ANKS1A: variants seen among roughly 807,000 people sequenced by gnomAD.
ANKS1A encodes ankyrin repeat and sterile alpha motif domain containing 1A, also known as ankyrin repeat and SAM domain-containing protein 1A.
A neutral mutation model predicts 120.3 loss-of-function variants in ANKS1A; 55 were observed. That is an observed-to-expected ratio of 0.46 (90% CI 0.37 to 0.57). The LOEUF (loss-of-function observed/expected upper bound fraction) is 0.57, where lower values mean the gene tolerates loss of function less well. Ranked by LOEUF, ANKS1A falls within the 20% of genes least tolerant of loss-of-function variation. ANKS1A has a pLI of 0.00. For synonymous variants in ANKS1A, 590 were observed against 604.7 expected, an observed-to-expected ratio of 0.98 and a Z score of 0.36; for missense variants, 1,123 against 1,480.3, an observed-to-expected ratio of 0.76 and a Z score of 3.96.
intron 10 of ANKS1A, among the ~76,000 whole-genome samples, chr6:34,999,888 GAGAA>G (rs1290675263): frequency 2.0e-5 from 3 of 151,976 alleles, no homozygotes; most frequent in Non-Finnish European, 2.9e-5. Context: ...GTCAAGAAAA[GAGAA>G]AGAGAGACAG....
intron 11 of ANKS1A, among the ~76,000 whole-genome samples, chr6:35,024,265 C>A (rs1027289695): frequency 1.3e-5 from 2 of 152,170 alleles, no homozygotes; most frequent in African/African-American, 4.8e-5. Context: ...CAATTAACAT[C>A]TGAGATAAAT....
At chr6:34,891,056 G>A (rs1766797303) in intron 1 of ANKS1A, among the ~76,000 whole-genome samples, 1 of 152,198 alleles carries the variant, frequency 6.6e-6, no homozygotes, top group Middle Eastern at 3.2e-3. Flanking sequence ...GGTATTACTC[G>A]CTGTAATTGC....
At chr6:35,046,130 A>C (rs1775709529) in intron 11 of ANKS1A, among the ~76,000 whole-genome samples, 1 of 152,166 alleles carries the variant, frequency 6.6e-6, no homozygotes, top group South Asian at 2.1e-4. Flanking sequence ...GTAGGGATCC[A>C]TTTCTTTTGA....
intron 20 of ANKS1A, among the ~76,000 whole-genome samples, 159 bp downstream of exon 20, chr6:35,083,662 C>G (rs940755006): frequency 6.6e-6 from 1 of 152,162 alleles, no homozygotes; most frequent in East Asian, 1.9e-4. Flanking sequence ...AGAGGCGTGT[C>G]TCTCATCTGC....
rs1370418650 is a variant in ANKS1A at position 34,961,334 on chromosome 6, G to T, written c.198-5905G>T. On this transcript the variant is annotated intron_variant, in intron 1 of 23. Transcript: ENST00000360359. Reference sequence around the variant, plus strand: ...TGGAGGGGGATGTTACTACCATCCTGTCTGAAGCTGAAATACCAAACAAGG... The same window carrying T: ...TGGAGGGGGATGTTACTACCATCCTTTCTGAAGCTGAAATACCAAACAAGG... 2.6e-5 allele frequency among the ~76,000 whole-genome samples: 4 copies of T among 152,154 alleles called. No homozygotes were observed. In the South Asian group the frequency reaches 8.3e-4, roughly 32 times the overall value.
chr6:35,023,729 A>T, intron 11 of ANKS1A: 1 of 348,216 alleles, frequency 2.9e-6, no homozygotes, highest in South Asian at 2.7e-5. Context: ...TTGGAGACAA[A>T]TTTCTTCTCC....
chr6:34,953,865 G>C (rs917134008), intron 1 of ANKS1A, among the ~76,000 whole-genome samples: 3 of 152,098 alleles, frequency 2.0e-5, no homozygotes, highest in Non-Finnish European at 2.9e-5. Flanking sequence ...CTTAGAATCA[G>C]AATTGTGGAC....
intron 13 of ANKS1A, among the ~76,000 whole-genome samples, chr6:35,065,546 T>A (rs916996760): frequency 2.0e-5 from 3 of 152,156 alleles, no homozygotes; most frequent in African/African-American, 7.2e-5. Flanking sequence ...CTCAGTACGG[T>A]AATGTGCCCA....
At chr6:34,971,350 C>T (rs1771174816) in intron 3 of ANKS1A, among the ~76,000 whole-genome samples, 1 of 152,188 alleles carries the variant, frequency 6.6e-6, no homozygotes, top group Non-Finnish European at 1.5e-5. Flanking sequence ...CTGTTCTTTA[C>T]ATTTATATCT....
chr6:34,931,896 G>A (rs1016469209), intron 1 of ANKS1A, among the ~76,000 whole-genome samples: 2 of 152,194 alleles, frequency 1.3e-5, no homozygotes, highest in Non-Finnish European at 2.9e-5. Flanking sequence ...ATTAATAAAC[G>A]TGTGATTATT....
rs545917936 is a variant in ANKS1A at position 34,921,492 on chromosome 6, C to T, written c.197+31893C>T. The stretch of plus-strand genomic sequence containing the variant: ...TTCCAGCCTTTTTATAACATCGCTA[C>T]ATTTTAATTTTTTATTTGCATATTT... On this transcript the variant is annotated intron_variant, in intron 1 of 23. Coordinates refer to ENST00000360359, the MANE Select transcript of ANKS1A (RefSeq NM_015245.3). 9.8e-5 allele frequency among the ~76,000 whole-genome samples: 15 copies of T among 152,290 alleles called. No homozygotes were observed. In the South Asian group the frequency reaches 2.9e-3, roughly 29 times the overall value.
At chr6:34,919,372 G>T (rs150270157) in intron 1 of ANKS1A, among the ~76,000 whole-genome samples, 1 of 152,166 alleles carries the variant, frequency 6.6e-6, no homozygotes, top group Non-Finnish European at 1.5e-5. Context: ...TTGCAGTCTG[G>T]CTCACTTCTC....
chr6:34,995,112 G>C (rs890155368), intron 10 of ANKS1A, among the ~76,000 whole-genome samples: 5 of 152,180 alleles, frequency 3.3e-5, no homozygotes, highest in Non-Finnish European at 5.9e-5. Context: ...ACCTTTCCCA[G>C]CTCTCTACAG....
chr6:35,056,198 C>T (rs1297166681), intron 12 of ANKS1A, among the ~76,000 whole-genome samples: 1 of 152,254 alleles, frequency 6.6e-6, no homozygotes, highest in African/African-American at 2.4e-5. Flanking sequence ...GAAGAGCCCT[C>T]CCCTTGGAAG....
chr6:35,075,148 C>A (rs535556316), intron 13 of ANKS1A, among the ~76,000 whole-genome samples: 1 of 152,164 alleles, frequency 6.6e-6, no homozygotes, highest in Non-Finnish European at 1.5e-5. Flanking sequence ...CACCTTACAG[C>A]AAAATAATTT....
chr6:35,040,171 C>T (rs1005902133), intron 11 of ANKS1A, among the ~76,000 whole-genome samples: 2 of 152,252 alleles, frequency 1.3e-5, no homozygotes, highest in African/African-American at 4.8e-5. Flanking sequence ...GCCACCTCCT[C>T]AGTTGCAAAA....
intron 1 of ANKS1A, among the ~76,000 whole-genome samples, chr6:34,896,087 A>G (rs1767070607): frequency 7.2e-6 from 1 of 139,518 alleles, no homozygotes; most frequent in Admixed American, 7.3e-5. Flanking sequence ...TTTTTTTTTC[A>G]GAGACAGTGT....
At chr6:35,073,421 G>C (rs1777174340) in intron 13 of ANKS1A, among the ~76,000 whole-genome samples, 1 of 152,210 alleles carries the variant, frequency 6.6e-6, no homozygotes, top group Non-Finnish European at 1.5e-5. Flanking sequence ...GGAGCAGTCG[G>C]ACACCTGCCG....
intron 1 of ANKS1A, among the ~76,000 whole-genome samples, chr6:34,952,653 A>G (rs1037586838): frequency 1.3e-5 from 2 of 152,152 alleles, no homozygotes; most frequent in Non-Finnish European, 2.9e-5. Flanking sequence ...AAATTTTACT[A>G]AATATTTGTG....
Sources: allele counts gnomAD v4.1 joint callset (sites outside exome capture counted in the v4.1 genomes callset), GRCh38; gene constraint gnomAD v4.1.1; transcripts MANE v1.5; gene names NCBI Gene and HGNC (gene_info 2026-07-23, HGNC 2026-07-21).